Variants in EML2 observed in about 807,000 individuals in gnomAD.
EML2 encodes the protein EMAP like 2.
Under a neutral mutation model 84.7 loss-of-function variants are expected in EML2, and 59 were observed. That is an observed-to-expected ratio of 0.70 (90% CI 0.56 to 0.86). EML2 has a LOEUF of 0.86. EML2 is among the 40% of genes least tolerant of loss of function. EML2 has a pLI of 0.00. For missense variants in EML2, 818 were observed against 855.6 expected (o/e 0.96, Z 0.55); for synonymous variants, 352 against 348.9 (o/e 1.01, Z -0.10).
chr19:45,634,257 G>C (rs1349709879), intron 4 of EML2, 65 bp downstream of exon 4: 1 of 1,602,624 alleles, frequency 6.2e-7, no homozygotes, highest in East Asian at 2.2e-5. Context: ...AGGCATAGAG[G>C]GGCAGGGGCT....
intron 16 of EML2, among the ~76,000 whole-genome samples, chr19:45,615,342 A>C (rs1970909953): frequency 1.3e-5 from 1 of 75,628 alleles, no homozygotes; most frequent in South Asian, 4.7e-4. Context: ...CTCCCATCTC[A>C]AAAAAAAAAA....
intron 2 of EML2, 43 bp downstream of exon 2, chr19:45,638,802 A>G: frequency 1.2e-6 from 2 of 1,610,398 alleles, no homozygotes; most frequent in Middle Eastern, 1.7e-4. Flanking sequence ...TGTCACCCCA[A>G]CAAGCAAGCT....
chr19:45,631,971 T>TGCAAA (rs758106409), intron 6 of EML2, among the ~76,000 whole-genome samples: 2 of 139,110 alleles, frequency 1.4e-5, no homozygotes, highest in Non-Finnish European at 3.1e-5. Context: ...GGCGGCTCAC[T>TGCAAA]GCAAACTCCG....
chr19:45,643,442 A>G, upstream of EML2: 1 of 829,636 alleles, frequency 1.2e-6, no homozygotes, highest in African/African-American at 2.4e-5. Flanking sequence ...CCCGCGCCCC[A>G]GATTTGGCTC....
upstream of EML2, chr19:45,641,625 C>T (rs986893834): frequency 2.6e-6 from 4 of 1,534,968 alleles, no homozygotes; most frequent in Admixed American, 5.9e-5. Context: ...CGGCTTGACG[C>T]CGCCCCAGTC....
At chr19:45,637,724 C>G (rs35347616) in intron 3 of EML2, among the ~76,000 whole-genome samples, 17,730 of 142,346 alleles carry the variant, frequency 0.12, 1,138 homozygotes, top group African/African-American at 0.13. Context: ...TGGCCCAGGC[C>G]GGAAAGCAGT....
chr19:45,609,887 C>CAT, intron 18 of EML2, 99 bp from the exon 19 acceptor site: 1 of 1,085,840 alleles, frequency 9.2e-7, no homozygotes, highest in Non-Finnish European at 1.2e-6. Context: ...TGCTCTTCCT[C>CAT]TTTTTTTTTT....
chr19:45,628,277 A>G (rs1025897556), intron 7 of EML2, among the ~76,000 whole-genome samples: 5 of 149,700 alleles, frequency 3.3e-5, no homozygotes, highest in African/African-American at 1.2e-4. Context: ...CTGAGGCAGG[A>G]GAATCACTTG....
intron 6 of EML2, among the ~76,000 whole-genome samples, chr19:45,632,114 C>G (rs1973116461): frequency 6.6e-6 from 1 of 150,958 alleles, no homozygotes; most frequent in Non-Finnish European, 1.5e-5. Flanking sequence ...AGGCTGGTCT[C>G]AAACTCCTGA....
At position 45,614,728 on chromosome 19, in the gene EML2, C is replaced by T. The variant is rs775542399; in HGVS notation, c.1598-28G>A. Reference sequence around the variant, plus strand: ...GGGGCAGAAAATGGGAGGAGACATTCAGAGTTGGAAGAACTACCCAGTAAA... The same window carrying T: ...GGGGCAGAAAATGGGAGGAGACATTTAGAGTTGGAAGAACTACCCAGTAAA... On this transcript the variant is annotated intron_variant, in intron 16 of 18. Coordinates refer to ENST00000245925, the MANE Select transcript of EML2 (RefSeq NM_012155.4). 6.9e-6 allele frequency: 11 copies of T among 1,588,500 alleles called. No individual in the cohort carries two copies. The South Asian group carries it at 1.2e-4, about 18-fold the overall frequency.
upstream of EML2, chr19:45,645,362 G>C (rs768091016): frequency 1.8e-5 from 27 of 1,526,874 alleles, no homozygotes; most frequent in African/African-American, 2.9e-4. Context: ...GCCACCGCCG[G>C]CCCCCCCGGT....
At chr19:45,634,098 C>G (rs1213289935) in intron 4 of EML2, among the ~76,000 whole-genome samples, 2 of 152,142 alleles carry the variant, frequency 1.3e-5, no homozygotes, top group African/African-American at 2.4e-5. Context: ...GGCTTACCAC[C>G]ACACCCAACT....
In EML2 at chr19:45,610,225, G is replaced by A. The variant is rs578012887; in HGVS notation, c.1825-437C>T. Reference sequence around the variant, plus strand: ...ATCCTGGCCAATATGGTGAAACCCCGTTCTCTACTAAAAATATAAAAATTA... The same window carrying A: ...ATCCTGGCCAATATGGTGAAACCCCATTCTCTACTAAAAATATAAAAATTA... On this transcript the variant is annotated intron_variant, in intron 18 of 18. Coordinates refer to ENST00000245925, the MANE Select transcript of EML2 (RefSeq NM_012155.4). 4.0e-5 allele frequency among the ~76,000 whole-genome samples: 6 copies of A among 151,366 alleles called. No homozygotes were observed. The South Asian group carries it at 8.4e-4, about 21-fold the overall frequency.
chr19:45,619,696 G>C (rs957300548), intron 11 of EML2, among the ~76,000 whole-genome samples: 1 of 152,162 alleles, frequency 6.6e-6, no homozygotes, highest in Non-Finnish European at 1.5e-5. Flanking sequence ...CAGTTTGATC[G>C]CCTGTAAAAT....
chr19:45,642,205 T>C (rs1335358568), upstream of EML2: 3 of 1,534,862 alleles, frequency 2.0e-6, no homozygotes, highest in Admixed American at 2.0e-5. Flanking sequence ...CGCCGCTCCC[T>C]GTTCTTCGCA....
At chr19:45,644,865 C>T (rs60518273), upstream of EML2, 1,093 of 446,046 alleles carry the variant, frequency 2.5e-3, 10 homozygotes, top group African/African-American at 0.019. Flanking sequence ...CACACTCTGC[C>T]CTCAACTCAA....
intron 7 of EML2, among the ~76,000 whole-genome samples, chr19:45,629,274 T>C (rs933826889): frequency 6.6e-6 from 1 of 151,660 alleles, no homozygotes; most frequent in Non-Finnish European, 1.5e-5. Context: ...GGACTATGGG[T>C]GCACACCACA....
At chr19:45,638,987 G>A (rs369366516) in intron 1 of EML2, 114 bp from the exon 2 acceptor site, 2 of 1,268,074 alleles carry the variant, frequency 1.6e-6, no homozygotes, top group East Asian at 2.3e-5. Flanking sequence ...AAACGGGGCC[G>A]AGTAAGGGGC....
chr19:45,638,400 C>A, intron 3 of EML2, 105 bp downstream of exon 3: 1 of 1,540,012 alleles, frequency 6.5e-7, no homozygotes, highest in Non-Finnish European at 8.9e-7. Flanking sequence ...TGGCCTCAAA[C>A]GATCCTCCCA....
Sources: gnomAD v4.1 joint callset for allele counts (sites outside exome capture counted in the v4.1 genomes callset) on GRCh38, gnomAD v4.1.1 for gene constraint, MANE v1.5 for transcripts, NCBI Gene and HGNC (gene_info 2026-07-23, HGNC 2026-07-21) for gene names.